The following SGCZ variants were observed in gnomAD, a reference collection of about 807,000 sequenced individuals.
SGCZ encodes the protein zeta-sarcoglycan.
In SGCZ, 40 loss-of-function variants were observed where a neutral mutation model predicts 41.3. The observed-to-expected ratio is 0.97, with a 90% CI of 0.75 to 1.26. The LOEUF (loss-of-function observed/expected upper bound fraction) is 1.26. SGCZ is among the 50% of genes most tolerant of loss of function. The pLI is 0.00. For synonymous variants in SGCZ, 206 were observed against 137.5 expected (o/e 1.50, Z -3.49); for missense variants, 552 against 369.8 (o/e 1.49, Z -4.04).
At chr8:14,372,292 G>C (rs1431202651) in intron 2 of SGCZ, among the ~76,000 whole-genome samples, 2 of 152,140 alleles carry the variant, frequency 1.3e-5, no homozygotes, top group African/African-American at 4.8e-5. Flanking sequence ...AGGTTTTATG[G>C]AGAATGTGTA....
At chr8:15,003,107 T>A (rs905178819) in intron 1 of SGCZ, among the ~76,000 whole-genome samples, 7 of 152,152 alleles carry the variant, frequency 4.6e-5, no homozygotes, top group Non-Finnish European at 1.0e-4. Context: ...AAAAGAGGTA[T>A]ATTGTCATGG....
intron 2 of SGCZ, among the ~76,000 whole-genome samples, chr8:14,472,951 A>G (rs1253150456): frequency 2.6e-5 from 4 of 152,176 alleles, no homozygotes; most frequent in Non-Finnish European, 5.9e-5. Context: ...CAGTTTTTCA[A>G]GAACTGCAAG....
chr8:14,154,008 G>T (rs184089686), intron 5 of SGCZ, among the ~76,000 whole-genome samples: 1 of 152,064 alleles, frequency 6.6e-6, no homozygotes. Flanking sequence ...AAGCTAGTAA[G>T]GAGTCTTTAT....
Position 15,015,352 on chromosome 8 carries a change from T to G in SGCZ, c.39+222233A>C, listed in dbSNP as rs148933854. ...AGATGATAGATGGATTATTTATGAA[T>G]GTCTGAAAAACACTGTAAAATAAGA... On this transcript the variant is annotated intron_variant, in intron 1 of 7. Transcript: ENST00000382080. 3.1e-3 allele frequency among the ~76,000 whole-genome samples: 470 copies of G among 152,312 alleles called. 5 individuals carry two copies. The highest frequency in any genetic ancestry group is 0.016 in the Admixed American group (242 of 15,308).
At chr8:15,214,719 C>T (rs2117168562) in intron 1 of SGCZ, among the ~76,000 whole-genome samples, 1 of 152,216 alleles carries the variant, frequency 6.6e-6, no homozygotes, top group Middle Eastern at 3.4e-3. Context: ...TTTAAGAAAC[C>T]TCAGACTCAA....
chr8:14,276,207 C>T (rs1045034123), intron 3 of SGCZ, among the ~76,000 whole-genome samples: 1 of 152,174 alleles, frequency 6.6e-6, no homozygotes, highest in African/African-American at 2.4e-5. Context: ...GCTTCTTTTG[C>T]AAGTCCTGTA....
At position 14,367,194 on chromosome 8, in the gene SGCZ, G is replaced by A. The variant is rs62497818; in HGVS notation, c.235-42990C>T. Among the ~76,000 whole-genome samples the A allele has an allele frequency of 2.6e-5, 4 of 151,904 alleles. No homozygotes were observed. In the East Asian group the frequency reaches 5.8e-4, roughly 22 times the overall value. On this transcript the variant is annotated intron_variant, in intron 2 of 7. Transcript: ENST00000382080. ...CTGCTAGTCTCTTTGCTAAAGTATA[G>A]CAAAAGTCACCTTTGCTCCAGTTTC...
intron 1 of SGCZ, among the ~76,000 whole-genome samples, chr8:14,939,034 GGAGTA>G (rs1563377340): frequency 6.6e-6 from 1 of 152,110 alleles, no homozygotes; most frequent in Non-Finnish European, 1.5e-5. Flanking sequence ...GCTACTCCAT[GGAGTA>G]GTCAGAGGCA....
intron 5 of SGCZ, among the ~76,000 whole-genome samples, chr8:14,119,780 G>C (rs1802641559): frequency 6.6e-6 from 1 of 152,074 alleles, no homozygotes; most frequent in African/African-American, 2.4e-5. Flanking sequence ...AAGTGGTGTT[G>C]AATTTTATCA....
At chr8:14,516,151 A>T (rs1236339226) in intron 2 of SGCZ, among the ~76,000 whole-genome samples, 2 of 151,568 alleles carry the variant, frequency 1.3e-5, no homozygotes, top group African/African-American at 2.4e-5. Flanking sequence ...TTTTTTGTAA[A>T]CATTTTACTT....
chr8:14,723,957 T>G (rs1036600765), intron 1 of SGCZ, among the ~76,000 whole-genome samples: 1 of 152,148 alleles, frequency 6.6e-6, no homozygotes, highest in Non-Finnish European at 1.5e-5. Flanking sequence ...TGATGAGTTC[T>G]GACCACATTA....
intron 1 of SGCZ, among the ~76,000 whole-genome samples, chr8:14,618,665 T>G (rs1289292775): frequency 6.6e-6 from 1 of 152,172 alleles, no homozygotes; most frequent in Non-Finnish European, 1.5e-5. Context: ...GATAACTCTT[T>G]ATGTAGGAAG....
At chr8:15,189,977 C>A (rs10503540) in intron 1 of SGCZ, among the ~76,000 whole-genome samples, 9 of 151,992 alleles carry the variant, frequency 5.9e-5, no homozygotes, top group Non-Finnish European at 1.2e-4. Flanking sequence ...TATTTCAGAC[C>A]CATAATAACC....
At chr8:14,101,227 A>T (rs1353203606) in intron 7 of SGCZ, among the ~76,000 whole-genome samples, 1 of 152,138 alleles carries the variant, frequency 6.6e-6, no homozygotes, top group Non-Finnish European at 1.5e-5. Context: ...AGAACCCTGA[A>T]AATATAGACC....
intron 7 of SGCZ, among the ~76,000 whole-genome samples, chr8:14,097,238 A>G (rs1400745803): frequency 6.6e-6 from 1 of 152,204 alleles, no homozygotes; most frequent in Non-Finnish European, 1.5e-5. Flanking sequence ...ATTTAGTGCT[A>G]TAAATTTCCC....
chr8:14,583,229 T>C (rs1249483669), intron 1 of SGCZ, among the ~76,000 whole-genome samples: 1 of 150,938 alleles, frequency 6.6e-6, no homozygotes, highest in Non-Finnish European at 1.5e-5. Context: ...TATCTCATTG[T>C]GGTTTTGATG....
intron 2 of SGCZ, among the ~76,000 whole-genome samples, chr8:14,433,295 G>A (rs28660686): frequency 0.78 from 118,718 of 152,094 alleles, 49,764 homozygotes; most frequent in Non-Finnish European, 0.93. Context: ...TTACTTGTCC[G>A]TTTAACACCT....
chr8:14,247,870 G>A (rs1434379983), intron 3 of SGCZ, among the ~76,000 whole-genome samples: 3 of 152,174 alleles, frequency 2.0e-5, no homozygotes, highest in Admixed American at 2.0e-4. Context: ...ACTGCATGTT[G>A]ACTAAGTAGA....
chr8:14,485,307 G>C (rs12678302), intron 2 of SGCZ, among the ~76,000 whole-genome samples: 1 of 152,238 alleles, frequency 6.6e-6, no homozygotes, highest in South Asian at 2.1e-4. Context: ...CATGATCTTG[G>C]CTCACTGCAA....
Sources: allele counts gnomAD v4.1 joint callset (sites outside exome capture counted in the v4.1 genomes callset), GRCh38; gene constraint gnomAD v4.1.1; transcripts MANE v1.5; gene names NCBI Gene and HGNC (gene_info 2026-07-23, HGNC 2026-07-21).